FLVCR2: variants seen among roughly 807,000 people sequenced by gnomAD.
The protein encoded by FLVCR2 is FLVCR choline and putative heme transporter 2.
A neutral mutation model predicts 48.9 loss-of-function variants in FLVCR2; 38 were observed. The observed-to-expected ratio is 0.78, with a 90% CI of 0.60 to 1.02. The LOEUF is 1.02. FLVCR2 is among the 50% of genes least tolerant of loss of function. FLVCR2 has a pLI of 0.00. For synonymous variants in FLVCR2, 255 were observed against 257.0 expected, an observed-to-expected ratio of 0.99 and a Z score of 0.07; for missense variants, 664 against 663.3, an observed-to-expected ratio of 1.00 and a Z score of -0.01.
intron 1 of FLVCR2, 139 bp downstream of exon 1, chr14:75,579,780 T>A: frequency 1.0e-6 from 1 of 953,042 alleles, no homozygotes; most frequent in Non-Finnish European, 1.6e-6. Flanking sequence ...TGACAGGCAG[T>A]GATTGTGATG....
At chr14:75,609,940 C>T (rs748536665) in intron 1 of FLVCR2, among the ~76,000 whole-genome samples, 4 of 152,226 alleles carry the variant, frequency 2.6e-5, no homozygotes, top group South Asian at 2.1e-4. Flanking sequence ...TGCAGAAGAC[C>T]GGAGAATCCC....
chr14:75,622,993 A>T (rs1045357785), intron 2 of FLVCR2, among the ~76,000 whole-genome samples: 1 of 151,912 alleles, frequency 6.6e-6, no homozygotes, highest in Non-Finnish European at 1.5e-5. Context: ...TTATTTGTTT[A>T]TTTTTGGAGA....
rs1395578085 is a variant in FLVCR2 at position 75,578,710 on chromosome 14, C to G, written c.-263C>G. ...GGGGAGACCCAAGGCAGGAGCGGTC[C>G]GGAGCCGGCTGCGGCGTGTGCGGCC... On this transcript the variant is annotated 5_prime_UTR_variant, in exon 1 of 10. Coordinates refer to ENST00000238667, the MANE Select transcript of FLVCR2 (RefSeq NM_017791.3). 1.6e-5 allele frequency: 9 copies of G among 569,736 alleles called. No homozygotes were observed. The East Asian group carries it at 2.7e-4, about 17-fold the overall frequency. The allele number at this position is 569,736 out of a possible 1,614,324, so 35.3% of individuals were successfully genotyped here.
At chr14:75,628,404 A>G (rs1324494675) in intron 3 of FLVCR2, among the ~76,000 whole-genome samples, 1 of 152,212 alleles carries the variant, frequency 6.6e-6, no homozygotes. Context: ...AATGCCCTCT[A>G]TCAATTCAAC....
At chr14:75,611,819 T>G (rs1364743427) in intron 1 of FLVCR2, among the ~76,000 whole-genome samples, 1 of 152,176 alleles carries the variant, frequency 6.6e-6, no homozygotes, top group Non-Finnish European at 1.5e-5. Flanking sequence ...GGGGTAGTTG[T>G]GAGGGCATAG....
At chr14:75,601,690 T>G (rs1432723731) in intron 1 of FLVCR2, among the ~76,000 whole-genome samples, 1 of 152,168 alleles carries the variant, frequency 6.6e-6, no homozygotes, top group African/African-American at 2.4e-5. Context: ...GGTAAAAAAT[T>G]GAAAGCAGGA....
chr14:75,593,405 T>C (rs1002422742), intron 1 of FLVCR2, among the ~76,000 whole-genome samples: 5 of 152,198 alleles, frequency 3.3e-5, no homozygotes, highest in Admixed American at 2.0e-4. Flanking sequence ...GTAGCTCTCA[T>C]GCTACATTAT....
In FLVCR2 at chr14:75,631,076, G is replaced by C. The variant is rs1297007449; in HGVS notation, c.953-2553G>C. ...TTGACAATATGGTGAGGGACATCTA[G>C]ACCAAAGATGGATTCAGAAAACATA... On this transcript the variant is annotated intron_variant, in intron 3 of 9. Transcript: ENST00000238667. Among the ~76,000 whole-genome samples the C allele has an allele frequency of 3.3e-5, 5 of 152,306 alleles. No homozygotes were observed. The East Asian group carries it at 9.6e-4, about 29-fold the overall frequency.
chr14:75,579,804 G>A (rs1403802058), intron 1 of FLVCR2, among the ~76,000 whole-genome samples, 163 bp downstream of exon 1: 2 of 152,196 alleles, frequency 1.3e-5, no homozygotes, highest in Admixed American at 6.5e-5. Flanking sequence ...TAAGAGAGGC[G>A]GGAAACAAAA....
chr14:75,639,523 A>G, intron 6 of FLVCR2, 61 bp downstream of exon 6: 1 of 1,172,648 alleles, frequency 8.5e-7, no homozygotes, highest in Non-Finnish European at 1.3e-6. Flanking sequence ...CAGAGCTTCC[A>G]GCATCCTAGA....
At chr14:75,635,111 T>C (rs1890134482) in intron 5 of FLVCR2, 98 bp downstream of exon 5, 2 of 815,422 alleles carry the variant, frequency 2.5e-6, no homozygotes, top group Admixed American at 2.0e-5. Flanking sequence ...TTGGAGATCC[T>C]AGTGGCCAAG....
At chr14:75,590,448 G>T (rs1335879486) in intron 1 of FLVCR2, among the ~76,000 whole-genome samples, 1 of 152,184 alleles carries the variant, frequency 6.6e-6, no homozygotes, top group Admixed American at 6.5e-5. Flanking sequence ...ACAAAATACA[G>T]TCATTCCATC....
rs564757774 is a variant in FLVCR2, at chr14:75,596,273, G to A, written c.669+16632G>A. On this transcript the variant is annotated intron_variant, in intron 1 of 9. Coordinates refer to ENST00000238667, the MANE Select transcript of FLVCR2 (RefSeq NM_017791.3). ...ACTGTCTGCTTTCTAGCCTCCTATTGTGCATTGGAGGAGAGTAGACAAGGG... is the reference window on the plus strand; with the variant it reads ...ACTGTCTGCTTTCTAGCCTCCTATTATGCATTGGAGGAGAGTAGACAAGGG... The A allele has an allele frequency of 1.5e-5, 8 of 532,598 alleles. No individual in the cohort carries two copies. In the East Asian group the frequency reaches 2.8e-4, roughly 19 times the overall value. The allele number at this position is 532,598 out of a possible 1,614,324, so 33.0% of individuals were successfully genotyped here. A position where few individuals can be genotyped will look rare whatever the true frequency, so the allele number is the denominator to read the frequency against.
intron 1 of FLVCR2, among the ~76,000 whole-genome samples, chr14:75,606,562 G>C (rs1049480639): frequency 2.0e-5 from 3 of 152,194 alleles, no homozygotes; most frequent in African/African-American, 7.2e-5. Flanking sequence ...GGGGAAGCCA[G>C]CAGCTGAGAA....
intron 1 of FLVCR2, among the ~76,000 whole-genome samples, chr14:75,606,372 G>A (rs1361070132): frequency 1.3e-5 from 2 of 152,064 alleles, no homozygotes; most frequent in African/African-American, 4.8e-5. Flanking sequence ...TGTTTGTTTG[G>A]GCTAGTAGCT....
At position 75,641,241 on chromosome 14, in the gene FLVCR2, G is replaced by C. The variant is rs772371502; in HGVS notation, c.1401G>C (p.Lys467Asn). 1.2e-6 allele frequency: 2 copies of C among 1,614,066 alleles called. No individual in the cohort carries two copies. Among genetic ancestry groups the C allele is most frequent in the Non-Finnish European group, 1.7e-6 (2 of 1,180,000 alleles). ...AGATTATTGACAACTATGGAACCAA[G>C]CCTGGGAACATCTTCCTGTGTGTGT... ...QGQIIDNYGT[K>N]PGNIFLCVFL... is the part of the protein sequence containing the mutation. Residue 467 changes from lysine (K) to asparagine (N), a missense_variant, in exon 8 of 10, where the codon AAG (lysine) becomes AAC (asparagine). Coordinates refer to ENST00000238667, the MANE Select transcript of FLVCR2 (RefSeq NM_017791.3).
At chr14:75,598,551 C>T (rs1333444369) in intron 1 of FLVCR2, among the ~76,000 whole-genome samples, 1 of 152,198 alleles carries the variant, frequency 6.6e-6, no homozygotes, top group Non-Finnish European at 1.5e-5. Flanking sequence ...AGTCTCAGCA[C>T]ACTGCAGTCT....
chr14:75,591,051 A>G (rs990629927), intron 1 of FLVCR2, among the ~76,000 whole-genome samples: 1 of 152,128 alleles, frequency 6.6e-6, no homozygotes, highest in African/African-American at 2.4e-5. Flanking sequence ...ATTGGGTAAA[A>G]TTACCATTCA....
At chr14:75,586,414 T>A (rs2140005209) in intron 1 of FLVCR2, among the ~76,000 whole-genome samples, 1 of 152,340 alleles carries the variant, frequency 6.6e-6, no homozygotes, top group South Asian at 2.1e-4. Flanking sequence ...CTTTTGTGGA[T>A]CTTCAGTTGC....
Sources: gnomAD v4.1 joint callset for allele counts (sites outside exome capture counted in the v4.1 genomes callset) on GRCh38, gnomAD v4.1.1 for gene constraint, MANE v1.5 for transcripts, NCBI Gene and HGNC (gene_info 2026-07-23, HGNC 2026-07-21) for gene names.